Variants in GKAP1 observed in about 807,000 individuals in gnomAD.
GKAP1 encodes the protein G kinase anchoring protein 1, also known as G kinase-anchoring protein 1.
GKAP1 carries 31 observed loss-of-function variants against 56.7 expected under a neutral mutation model. That is an observed-to-expected ratio of 0.55 (90% CI 0.41 to 0.74). GKAP1 has a LOEUF of 0.74. Ranked by LOEUF, GKAP1 falls within the 30% of genes least tolerant of loss-of-function variation. The probability of loss-of-function intolerance (pLI) is 0.00; values close to 1 mark genes in which losing one functional copy is unlikely to be tolerated. For synonymous variants in GKAP1, 151 were observed against 138.6 expected, an observed-to-expected ratio of 1.09 and a Z score of -0.63; for missense variants, 364 against 402.3, an observed-to-expected ratio of 0.90 and a Z score of 0.82.
At chr9:83,742,402 T>A in intron 11 of GKAP1, 128 bp downstream of exon 11, 1 of 643,558 alleles carries the variant, frequency 1.6e-6, no homozygotes, top group Non-Finnish European at 2.7e-6. Context: ...CATGGGCTAT[T>A]ACATAATAAT....
intron 4 of GKAP1, among the ~76,000 whole-genome samples, chr9:83,792,308 A>G (rs557996017): frequency 2.6e-5 from 4 of 152,330 alleles, no homozygotes; most frequent in Non-Finnish European, 4.4e-5. Context: ...TTAGGGCAGC[A>G]TAAGGTTCCA....
At chr9:83,753,705 T>A (rs1488894859) in intron 8 of GKAP1, among the ~76,000 whole-genome samples, 3 of 152,108 alleles carry the variant, frequency 2.0e-5, no homozygotes, top group Non-Finnish European at 4.4e-5. Flanking sequence ...AATACAAAAT[T>A]AATAAAAAAT....
At position 83,798,811 on chromosome 9, in the gene GKAP1, G is replaced by T. The variant is rs570044676; in HGVS notation, c.360+374C>A. On this transcript the variant is annotated intron_variant, in intron 4 of 12. Coordinates refer to ENST00000376371, the MANE Select transcript of GKAP1 (RefSeq NM_025211.4). ...GATTACAGGTGTGAGCCACCTGTAG[G>T]CTGTACACACCCAGCCTAGTCACTG... Among the ~76,000 whole-genome samples, 13 of 152,184 alleles carry T rather than the reference G, an allele frequency of 8.5e-5. No homozygotes were observed. The East Asian group carries it at 2.3e-3, about 27-fold the overall frequency.
At chr9:83,779,610 T>TACACACACACAC (rs536500445) in intron 7 of GKAP1, among the ~76,000 whole-genome samples, 1 of 84,214 alleles carries the variant, frequency 1.2e-5, no homozygotes. Flanking sequence ...TATATACACA[T>TACACACACACAC]ATACACACAC....
At chr9:83,747,819 T>C (rs1225836679) in intron 10 of GKAP1, among the ~76,000 whole-genome samples, 2 of 152,094 alleles carry the variant, frequency 1.3e-5, no homozygotes, top group Non-Finnish European at 2.9e-5. Context: ...GTATTTTTAG[T>C]AGAGATGTGG....
chr9:83,781,906 C>T (rs1193235312), intron 6 of GKAP1, among the ~76,000 whole-genome samples: 1 of 147,020 alleles, frequency 6.8e-6, no homozygotes, highest in Non-Finnish European at 1.5e-5. Context: ...TGCAGCGGTA[C>T]GATCTCGGCT....
chr9:83,765,433 C>G (rs1233335573), intron 8 of GKAP1, among the ~76,000 whole-genome samples: 3 of 152,190 alleles, frequency 2.0e-5, no homozygotes, highest in African/African-American at 7.2e-5. Context: ...ACACAGAGTC[C>G]CTACTGGGGC....
At chr9:83,758,466 C>T (rs1394520886) in intron 8 of GKAP1, among the ~76,000 whole-genome samples, 1 of 152,178 alleles carries the variant, frequency 6.6e-6, no homozygotes. Context: ...GATACGGTGG[C>T]TCATGCCTAT....
rs531278638 is a variant in GKAP1 at position 83,774,997 on chromosome 9, G to A, written c.585+5385C>T. Among the ~76,000 whole-genome samples the A allele has an allele frequency of 1.0e-3, 142 of 138,412 alleles. 1 individual carries two copies. The highest frequency in any genetic ancestry group is 1.7e-3 in the Non-Finnish European group (110 of 64,400). 90.8% of individuals were successfully genotyped at this position (138,412 alleles called of 152,430 possible). A position where few individuals can be genotyped will look rare whatever the true frequency, so the allele number is the denominator to read the frequency against. On this transcript the variant is annotated intron_variant, in intron 7 of 12. Coordinates refer to ENST00000376371, the MANE Select transcript of GKAP1 (RefSeq NM_025211.4). ...GCTGGGATTACAGGGGTGACCCACC[G>A]CGCCCGGCCCCTTCTTTTTTTTTTT...
chr9:83,774,895 G>A (rs1436671210), intron 7 of GKAP1, among the ~76,000 whole-genome samples: 1 of 151,266 alleles, frequency 6.6e-6, no homozygotes, highest in East Asian at 2.0e-4. Context: ...TTTTAGTAGA[G>A]ACGGGATTTC....
At chr9:83,795,623 G>A (rs1344533328) in intron 4 of GKAP1, among the ~76,000 whole-genome samples, 4 of 124,732 alleles carry the variant, frequency 3.2e-5, no homozygotes. Context: ...ATAGGGTCTC[G>A]CTCTGTCACC....
intron 7 of GKAP1, among the ~76,000 whole-genome samples, chr9:83,769,353 C>G (rs750273267): frequency 5.9e-5 from 9 of 152,142 alleles, no homozygotes; most frequent in Non-Finnish European, 1.3e-4. Context: ...TCCATCACCC[C>G]AAAAAGAAAC....
At chr9:83,803,275 TCTTTCCA>T (rs1944363646) in intron 3 of GKAP1, among the ~76,000 whole-genome samples, 3 of 142,186 alleles carry the variant, frequency 2.1e-5, no homozygotes, top group Non-Finnish European at 1.6e-5. Context: ...CCTCTCCCTC[TCTTTCCA>T]CGGTCTCCCT....
chr9:83,775,369 T>C (rs1564199615), intron 7 of GKAP1, among the ~76,000 whole-genome samples: 1 of 152,144 alleles, frequency 6.6e-6, no homozygotes, highest in Non-Finnish European at 1.5e-5. Context: ...CAACGAGTCC[T>C]GGTTCCTTTT....
At chr9:83,804,363 C>A (rs1220400962) in intron 3 of GKAP1, among the ~76,000 whole-genome samples, 3 of 119,772 alleles carry the variant, frequency 2.5e-5, no homozygotes, top group Non-Finnish European at 5.3e-5. Flanking sequence ...GTCAGCCCCC[C>A]GCCCGGCCAG....
Position 83,799,178 on chromosome 9 carries a change from G to A in GKAP1, c.360+7C>T. 2.5e-6 allele frequency: 4 copies of A among 1,611,806 alleles called. No homozygotes were observed. Among genetic ancestry groups the A allele is most frequent in the Non-Finnish European group, 3.4e-6 (4 of 1,178,796 alleles). ...AAAACAAAGCAATTTTATTTACTTA[G>A]TTGTACCTGCTCATCTCTTTGTCTC... On this transcript the variant is annotated splice_region_variant and intron_variant, in intron 4 of 12. Transcript: ENST00000376371.
At chr9:83,812,228 CATGTATACATATATACGTATAT>C in intron 2 of GKAP1, among the ~76,000 whole-genome samples, 1 of 147,126 alleles carries the variant, frequency 6.8e-6, no homozygotes, top group East Asian at 2.0e-4. Context: ...TACACACACA[CATGTATACATATATACGTATAT>C]ATGTATACGT....
intron 7 of GKAP1, among the ~76,000 whole-genome samples, chr9:83,769,923 A>G (rs978392892): frequency 1.3e-5 from 2 of 152,146 alleles, no homozygotes; most frequent in Non-Finnish European, 2.9e-5. Context: ...GTGCTATCTC[A>G]TTGCGGTTTT....
intron 6 of GKAP1, among the ~76,000 whole-genome samples, chr9:83,780,675 T>C (rs1188468238): frequency 6.6e-6 from 1 of 152,176 alleles, no homozygotes; most frequent in Non-Finnish European, 1.5e-5. Flanking sequence ...TATTGCATTT[T>C]AAGCATATGA....
Sources: allele counts gnomAD v4.1 joint callset (sites outside exome capture counted in the v4.1 genomes callset), GRCh38; gene constraint gnomAD v4.1.1; transcripts MANE v1.5; gene names NCBI Gene and HGNC (gene_info 2026-07-23, HGNC 2026-07-21).